The following TJP1 variants were observed in gnomAD, a reference collection of about 807,000 sequenced individuals.
The protein encoded by TJP1 is tight junction protein ZO-1.
In TJP1, 43 loss-of-function variants were observed where a neutral mutation model predicts 194.2. The observed-to-expected ratio is 0.22, with a 90% CI of 0.17 to 0.29. The LOEUF is 0.29. Ranked by LOEUF, TJP1 falls within the 10% of genes least tolerant of loss-of-function variation. TJP1 has a pLI of 1.00. For missense variants in TJP1, 1,971 were observed against 2,185.7 expected (o/e 0.90, Z 1.96); for synonymous variants, 801 against 779.0 (o/e 1.03, Z -0.47).
At chr15:29,770,874 C>T (rs1189893902) in intron 4 of TJP1, among the ~76,000 whole-genome samples, 2 of 151,686 alleles carry the variant, frequency 1.3e-5, no homozygotes, top group Non-Finnish European at 2.9e-5. Flanking sequence ...ATATTAAATA[C>T]ATTAAAAATA....
chr15:29,906,011 C>T (rs1472843391), intron 2 of TJP1, among the ~76,000 whole-genome samples: 3 of 152,138 alleles, frequency 2.0e-5, no homozygotes, highest in Non-Finnish European at 4.4e-5. Context: ...AAACCATGAA[C>T]TTTGCATGAT....
intron 2 of TJP1, among the ~76,000 whole-genome samples, chr15:29,952,067 G>GTAAA (rs1450285479): frequency 1.3e-5 from 2 of 152,162 alleles, no homozygotes; most frequent in African/African-American, 2.4e-5. Context: ...AGCTAGGAAT[G>GTAAA]TAAACATCAT....
In TJP1 at chr15:29,805,549, T is replaced by TTCAACAAACATGTA. The variant is rs746813472; in HGVS notation, c.28-4861_28-4848dup. ...CATGTATCATTCATTCATTCATTCATTCAACAAACATGTATCAGACATGGT... is the reference window on the plus strand; with the variant it reads ...CATGTATCATTCATTCATTCATTCATTCAACAAACATGTATCAACAAACATGTATCAGACATGGT... On this transcript the variant is annotated intron_variant, in intron 1 of 27. Transcript: ENST00000614355. 3.8e-4 allele frequency among the ~76,000 whole-genome samples: 58 copies of TTCAACAAACATGTA among 152,298 alleles called. No homozygotes were observed. In the Middle Eastern group the frequency reaches 0.014, roughly 36 times the overall value.
At chr15:29,931,266 G>C (rs1453331143) in intron 2 of TJP1, among the ~76,000 whole-genome samples, 1 of 152,134 alleles carries the variant, frequency 6.6e-6, no homozygotes, top group Non-Finnish European at 1.5e-5. Flanking sequence ...AGGAGGAAGA[G>C]GAGGGGTTGA....
chr15:29,772,426 T>C lies in TJP1; in HGVS notation c.210-260A>G, dbSNP rs533260230. Among the ~76,000 whole-genome samples, 23 of 152,302 alleles carry C rather than the reference T, an allele frequency of 1.5e-4. No homozygotes were observed. The South Asian group carries it at 4.8e-3, about 32-fold the overall frequency. ...ATTTCCCCAAAAGACTGAACAGATA[T>C]CACATACACGAAATGATTCTTGGTA... On this transcript the variant is annotated intron_variant, in intron 3 of 27. Coordinates refer to ENST00000614355, the MANE Select transcript of TJP1 (RefSeq NM_001330239.4).
chr15:29,775,013 A>C (rs2046926753), intron 2 of TJP1, among the ~76,000 whole-genome samples: 1 of 152,194 alleles, frequency 6.6e-6, no homozygotes, highest in Non-Finnish European at 1.5e-5. Context: ...AATTGGTAAG[A>C]CTTAAATTGC....
chr15:29,967,080 C>T (rs1018213613), intron 1 of TJP1, among the ~76,000 whole-genome samples: 1 of 151,734 alleles, frequency 6.6e-6, no homozygotes, highest in Non-Finnish European at 1.5e-5. Context: ...GTGGCATGAC[C>T]TTGGCTCACT....
intron 5 of TJP1, 82 bp downstream of exon 5, chr15:29,766,181 CATG>C: frequency 6.6e-7 from 1 of 1,506,200 alleles, no homozygotes; most frequent in South Asian, 1.3e-5. Context: ...AAAGCAAAGA[CATG>C]AAGAGACAGC....
chr15:29,769,060 A>G (rs2046493494), intron 4 of TJP1, among the ~76,000 whole-genome samples: 1 of 152,222 alleles, frequency 6.6e-6, no homozygotes, highest in Non-Finnish European at 1.5e-5. Flanking sequence ...AAAATGATAC[A>G]AAACAACAAA....
At chr15:29,760,220 T>A in intron 8 of TJP1, 1 of 702,314 alleles carries the variant, frequency 1.4e-6, no homozygotes, top group Non-Finnish European at 2.6e-6. Flanking sequence ...CCAGAAATTG[T>A]ATGCAATTGC....
Position 29,961,334 on chromosome 15 carries a change from CTTTTTT to C in TJP1, c.174-4976_174-4971del, listed in dbSNP as rs5811594. On this transcript the variant is annotated intron_variant, in intron 1 of 28. Coordinates refer to the TJP1 transcript ENST00000356107. ...CAATGAGGTTTTACTTTTCCTAATTCTTTTTTTTTTTTTTTTTTTTTTTTTGAGACG... is the reference window on the plus strand; with the variant it reads ...CAATGAGGTTTTACTTTTCCTAATTCTTTTTTTTTTTTTTTTTTTGAGACG... Among the ~76,000 whole-genome samples the C allele has an allele frequency of 2.7e-4, 24 of 89,816 alleles. 1 individual carries two copies. Among genetic ancestry groups the C allele is most frequent in the South Asian group, 1.5e-3 (3 of 2,024 alleles). The allele number at this position is 89,816 out of a possible 152,430, so 58.9% of individuals were successfully genotyped here. A position where few individuals can be genotyped will look rare whatever the true frequency, so the allele number is the denominator to read the frequency against.
intron 23 of TJP1, among the ~76,000 whole-genome samples, chr15:29,715,232 C>T (rs1185084748): frequency 3.9e-5 from 6 of 152,076 alleles, no homozygotes; most frequent in African/African-American, 1.4e-4. Context: ...GTCCAGACAC[C>T]ATCTAGATGC....
At chr15:29,871,065 G>A (rs1332608291) in intron 2 of TJP1, among the ~76,000 whole-genome samples, 4 of 152,136 alleles carry the variant, frequency 2.6e-5, no homozygotes, top group African/African-American at 4.8e-5. Context: ...GGCAAGCTCT[G>A]AATACTCCGC....
chr15:29,713,636 T>C (rs1412099323), intron 23 of TJP1, among the ~76,000 whole-genome samples: 1 of 152,224 alleles, frequency 6.6e-6, no homozygotes, highest in Non-Finnish European at 1.5e-5. Flanking sequence ...CAGAATCCTA[T>C]ATTTTAAGCT....
intron 2 of TJP1, among the ~76,000 whole-genome samples, chr15:29,875,339 T>C (rs978726536): frequency 2.6e-5 from 4 of 152,222 alleles, no homozygotes; most frequent in Non-Finnish European, 5.9e-5. Flanking sequence ...CTTGTTTTCA[T>C]TGGTTTTATT....
chr15:29,718,910 G>A lies in TJP1; in HGVS notation c.3232C>T (p.Leu1078=), dbSNP rs1253708041. The change falls in exon 21 of 28, where the codon CTG becomes TTG. Residue 1078 remains leucine (L), a synonymous_variant. Coordinates refer to ENST00000614355, the MANE Select transcript of TJP1 (RefSeq NM_001330239.4). ...DQFSRNYEHR[L]RYEDRVPMYE... is the part of the protein sequence containing the mutation. ...ATGGGGACGCGATCTTCGTATCGCA[G>A]ACGATGTTCATAGTTTCGAGAAAAC... 2.5e-6 allele frequency: 4 copies of A among 1,614,116 alleles called. No individual in the cohort carries two copies. In the Admixed American group the frequency reaches 6.7e-5, roughly 27 times the overall value.
chr15:29,822,148 G>C lies in TJP1; in HGVS notation c.-120C>G, dbSNP rs1393083597. ...TCCCGAGAGCGAGCGGGGCACGGGCGGGGGCGGCCGGAAGGGCCCGGCCCA... is the reference window on the plus strand; with the variant it reads ...TCCCGAGAGCGAGCGGGGCACGGGCCGGGGCGGCCGGAAGGGCCCGGCCCA... On this transcript the variant is annotated 5_prime_UTR_variant, in exon 1 of 28. Transcript: ENST00000614355. 10 of 1,188,922 alleles carry C rather than the reference G, an allele frequency of 8.4e-6. No individual in the cohort carries two copies. The highest frequency in any genetic ancestry group is 1.6e-5 in the African/African-American group (1 of 62,692). The allele number at this position is 1,188,922 out of a possible 1,614,324, so 73.6% of individuals were successfully genotyped here. A position where few individuals can be genotyped will look rare whatever the true frequency, so the allele number is the denominator to read the frequency against.
At position 29,734,515 on chromosome 15, in the gene TJP1, G is replaced by C. The variant is rs932534126; in HGVS notation, c.1408-133C>G. ...TTTTTTTTTTTTGAGACAGAGTCTC[G>C]CTCTGTCGCCCAGGCTGGAGTGCAA... On this transcript the variant is annotated intron_variant, in intron 11 of 27. Coordinates refer to ENST00000614355, the MANE Select transcript of TJP1 (RefSeq NM_001330239.4). 16 of 620,184 alleles carry C rather than the reference G, an allele frequency of 2.6e-5. No homozygotes were observed. In the Admixed American group the frequency reaches 4.8e-4, roughly 19 times the overall value. 38.4% of individuals were successfully genotyped at this position (620,184 alleles called of 1,614,324 possible).
intron 2 of TJP1, among the ~76,000 whole-genome samples, chr15:29,832,711 AGTAGTT>A (rs761761019): frequency 1.3e-5 from 2 of 152,230 alleles, no homozygotes. Flanking sequence ...TATCAAACCA[AGTAGTT>A]ACTCCACTGA....
Sources: allele counts gnomAD v4.1 joint callset (sites outside exome capture counted in the v4.1 genomes callset), GRCh38; gene constraint gnomAD v4.1.1; transcripts MANE v1.5; gene names NCBI Gene and HGNC (gene_info 2026-07-23, HGNC 2026-07-21).